The following LUZP2 variants were observed in gnomAD, a reference collection of about 807,000 sequenced individuals.
LUZP2 encodes leucine zipper protein 2.
A neutral mutation model predicts 51.6 loss-of-function variants in LUZP2; 52 were observed. That is an observed-to-expected ratio of 1.01 (90% CI 0.81 to 1.27). The LOEUF (loss-of-function observed/expected upper bound fraction) is 1.27, where lower values mean the gene tolerates loss of function less well. LUZP2 is among the 50% of genes most tolerant of loss of function. LUZP2 has a pLI of 0.00. For missense variants in LUZP2, 436 were observed against 395.4 expected, an observed-to-expected ratio of 1.10 and a Z score of -0.87; for synonymous variants, 154 against 137.3, an observed-to-expected ratio of 1.12 and a Z score of -0.85.
intron 1 of LUZP2, among the ~76,000 whole-genome samples, chr11:24,542,749 T>C (rs1851413376): frequency 6.6e-6 from 1 of 151,968 alleles, no homozygotes; most frequent in Non-Finnish European, 1.5e-5. Flanking sequence ...AAAAAATAGA[T>C]GTTCTTTTAT....
In LUZP2 at chr11:24,906,980, A is replaced by C. The variant is rs530081605; in HGVS notation, c.459+927A>C. Reference sequence around the variant, plus strand: ...AGAAGTAAGGCGAAGAGTTTCTAAAACAGCTCTATTGTCTTTAAATTATGG... The same window carrying C: ...AGAAGTAAGGCGAAGAGTTTCTAAACCAGCTCTATTGTCTTTAAATTATGG... On this transcript the variant is annotated intron_variant, in intron 6 of 11. Transcript: ENST00000336930. 2.6e-5 allele frequency among the ~76,000 whole-genome samples: 4 copies of C among 152,278 alleles called. No homozygotes were observed. The South Asian group carries it at 8.3e-4, about 32-fold the overall frequency.
At chr11:25,059,123 T>C (rs1374135) in intron 10 of LUZP2, among the ~76,000 whole-genome samples, 234 of 152,338 alleles carry the variant, frequency 1.5e-3, no homozygotes, top group African/African-American at 5.5e-3. Flanking sequence ...GAATTTCAGA[T>C]TTACCAGTTG....
chr11:24,774,174 C>T (rs952732951), intron 5 of LUZP2, among the ~76,000 whole-genome samples: 1 of 151,570 alleles, frequency 6.6e-6, no homozygotes, highest in African/African-American at 2.4e-5. Flanking sequence ...AGCCTCTCAA[C>T]CTACATCTTT....
chr11:24,839,375 C>A (rs529347197), intron 5 of LUZP2, among the ~76,000 whole-genome samples: 138 of 151,688 alleles, frequency 9.1e-4, no homozygotes, highest in African/African-American at 3.3e-3. Flanking sequence ...TTTTTTAAAT[C>A]ATTTTTGTTA....
chr11:24,664,445 T>A (rs981396531), intron 1 of LUZP2, among the ~76,000 whole-genome samples: 1 of 152,132 alleles, frequency 6.6e-6, no homozygotes, highest in East Asian at 1.9e-4. Flanking sequence ...TCAAGCCAGT[T>A]GGAGAAATTT....
Position 25,081,909 on chromosome 11 carries a change from A to G in LUZP2, c.*3251A>G, listed in dbSNP as rs1859469184. The G allele has an allele frequency of 6.6e-6, 1 of 152,142 alleles. No individual in the cohort carries two copies. Among genetic ancestry groups the G allele is most frequent in the Non-Finnish European group, 1.5e-5 (1 of 68,002 alleles). 9.4% of individuals were successfully genotyped at this position (152,142 alleles called of 1,614,324 possible). On this transcript the variant is annotated 3_prime_UTR_variant, in exon 12 of 12. Coordinates refer to ENST00000336930, the MANE Select transcript of LUZP2 (RefSeq NM_001009909.4). Reference sequence around the variant, plus strand: ...CCAGAACCAACAATTGTATTTCTCTATAGTTATTTTAAAATAGTAATCAAT... The same window carrying G: ...CCAGAACCAACAATTGTATTTCTCTGTAGTTATTTTAAAATAGTAATCAAT...
intron 7 of LUZP2, among the ~76,000 whole-genome samples, chr11:24,938,118 C>G (rs1398941636): frequency 6.6e-6 from 1 of 151,862 alleles, no homozygotes; most frequent in Non-Finnish European, 1.5e-5. Flanking sequence ...AAGAAAAAAA[C>G]CCAAATAACA....
At chr11:24,915,922 T>C (rs1332692623) in intron 7 of LUZP2, among the ~76,000 whole-genome samples, 2 of 152,004 alleles carry the variant, frequency 1.3e-5, no homozygotes, top group Admixed American at 6.6e-5. Flanking sequence ...CTGAGATGAG[T>C]AGTAGATTCT....
chr11:25,027,915 T>A (rs1201806477), intron 9 of LUZP2, among the ~76,000 whole-genome samples: 1 of 152,138 alleles, frequency 6.6e-6, no homozygotes, highest in East Asian at 1.9e-4. Flanking sequence ...ATCAATGTTT[T>A]CCATTGGCTA....
chr11:24,621,952 A>G (rs1274848502), intron 1 of LUZP2, among the ~76,000 whole-genome samples: 3 of 144,478 alleles, frequency 2.1e-5, no homozygotes, highest in Non-Finnish European at 4.5e-5. Context: ...TCCTTTCCAC[A>G]TACATCTTTA....
At chr11:24,656,963 A>G (rs1022240636) in intron 1 of LUZP2, among the ~76,000 whole-genome samples, 7 of 152,194 alleles carry the variant, frequency 4.6e-5, no homozygotes, top group African/African-American at 1.7e-4. Context: ...TTGCCATGTA[A>G]CTATTCACAG....
At position 24,611,558 on chromosome 11, in the gene LUZP2, G is replaced by C. The variant is rs1854122202; in HGVS notation, c.62+114253G>C. ...TCAGAGTTTGGCAATTATGGAACTA[G>C]GGTGGAAAGGGAGGCAGTTACTGGA... On this transcript the variant is annotated intron_variant, in intron 1 of 11. Coordinates refer to ENST00000336930, the MANE Select transcript of LUZP2 (RefSeq NM_001009909.4). The surrounding 1 kb of genome is among the most constrained non-coding windows in gnomAD (Gnocchi z 4.6). Among the ~76,000 whole-genome samples, 1 of 152,076 alleles carries C rather than the reference G, an allele frequency of 6.6e-6. No homozygotes were observed. The highest frequency in any genetic ancestry group is 1.5e-5 in the Non-Finnish European group (1 of 68,016).
intron 10 of LUZP2, among the ~76,000 whole-genome samples, chr11:25,057,479 A>G (rs1021092487): frequency 2.6e-5 from 4 of 152,170 alleles, no homozygotes; most frequent in African/African-American, 4.8e-5. Flanking sequence ...CGTTGTTTAA[A>G]TGATAATATT....
Position 24,580,329 on chromosome 11 carries a change from A to G in LUZP2, c.62+83024A>G, listed in dbSNP as rs184787456. Among the ~76,000 whole-genome samples the G allele has an allele frequency of 7.2e-4, 110 of 152,230 alleles. No individual in the cohort carries two copies. The Middle Eastern group carries it at 0.017, about 24-fold the overall frequency. ...TGTTTCAGAAGTTGTAGATCAGGCAATTAGAAATAAAACAGCTGTGTATCA... is the reference window on the plus strand; with the variant it reads ...TGTTTCAGAAGTTGTAGATCAGGCAGTTAGAAATAAAACAGCTGTGTATCA... On this transcript the variant is annotated intron_variant, in intron 1 of 11. Transcript: ENST00000336930.
intron 1 of LUZP2, among the ~76,000 whole-genome samples, chr11:24,526,692 C>T (rs879385456): frequency 1.3e-5 from 2 of 151,230 alleles, no homozygotes; most frequent in African/African-American, 2.4e-5. Context: ...TCACGATTAA[C>T]CTGAGTTTTA....
intron 4 of LUZP2, among the ~76,000 whole-genome samples, chr11:24,748,706 C>T (rs1321904801): frequency 6.6e-6 from 1 of 152,138 alleles, no homozygotes; most frequent in African/African-American, 2.4e-5. Flanking sequence ...ATCTGCCCCC[C>T]TTGGCCTCCC....
At chr11:24,551,604 A>C (rs191628516) in intron 1 of LUZP2, among the ~76,000 whole-genome samples, 14 of 152,142 alleles carry the variant, frequency 9.2e-5, no homozygotes, top group African/African-American at 3.4e-4. Context: ...AATGTATTTC[A>C]AAAATTTTTT....
chr11:24,659,661 T>G (rs942714531), intron 1 of LUZP2, among the ~76,000 whole-genome samples: 3 of 152,090 alleles, frequency 2.0e-5, no homozygotes, highest in Non-Finnish European at 4.4e-5. Context: ...CACAATATAT[T>G]TTTAAATACA....
At chr11:24,513,837 G>A (rs1397381237) in intron 1 of LUZP2, among the ~76,000 whole-genome samples, 2 of 152,212 alleles carry the variant, frequency 1.3e-5, no homozygotes, top group African/African-American at 2.4e-5. Context: ...GAGTCTGAAT[G>A]TAGACAGTGT....
Sources: allele counts gnomAD v4.1 joint callset (sites outside exome capture counted in the v4.1 genomes callset), GRCh38; gene constraint gnomAD v4.1.1; non-coding constraint Gnocchi (gnomAD v3.1); transcripts MANE v1.5; gene names NCBI Gene and HGNC (gene_info 2026-07-23, HGNC 2026-07-21).